Variants in LATS2 observed in about 807,000 individuals in gnomAD.
LATS2 encodes the protein serine/threonine-protein kinase LATS2.
LATS2 carries 24 observed loss-of-function variants against 76.0 expected under a neutral mutation model. The observed-to-expected ratio is 0.32, with a 90% CI of 0.23 to 0.44. The LOEUF (loss-of-function observed/expected upper bound fraction) is 0.44, where lower values mean the gene tolerates loss of function less well. Ranked by LOEUF, LATS2 falls within the 20% of genes least tolerant of loss-of-function variation. LATS2 has a pLI of 1.00. For missense variants in LATS2, 1,286 were observed against 1,481.2 expected, an observed-to-expected ratio of 0.87 and a Z score of 2.16; for synonymous variants, 692 against 635.4, an observed-to-expected ratio of 1.09 and a Z score of -1.34.
intron 1 of LATS2, among the ~76,000 whole-genome samples, chr13:21,058,426 C>T (rs184106965): frequency 6.6e-5 from 10 of 151,840 alleles, no homozygotes; most frequent in Admixed American, 3.9e-4. Flanking sequence ...CCCCACCCTA[C>T]CCCACCCCTT....
In LATS2 at chr13:20,991,200, C is replaced by G. The variant is rs1007844631; in HGVS notation, c.475+72G>C. ...TGGCCAGGCCAGGCCAGGTTGGACCCCTCTGCACGTGGTTTTGTTGTCCTT... is the reference window on the plus strand; with the variant it reads ...TGGCCAGGCCAGGCCAGGTTGGACCGCTCTGCACGTGGTTTTGTTGTCCTT... On this transcript the variant is annotated intron_variant, in intron 3 of 7. Transcript: ENST00000382592. This position sits in a 1 kb window ranked among gnomAD's most constrained non-coding sequence, Gnocchi z 4.9. 2.5e-5 allele frequency: 40 copies of G among 1,586,066 alleles called. No homozygotes were observed. Among genetic ancestry groups the G allele is most frequent in the Non-Finnish European group, 3.4e-5 (40 of 1,160,900 alleles).
chr13:21,017,145 G>C (rs1413568820), intron 2 of LATS2, among the ~76,000 whole-genome samples: 1 of 152,272 alleles, frequency 6.6e-6, no homozygotes, highest in South Asian at 2.1e-4. Context: ...AAAGCGCCTG[G>C]CACTTGAATG....
intron 2 of LATS2, among the ~76,000 whole-genome samples, chr13:21,044,021 A>T (rs1872977716): frequency 6.6e-6 from 1 of 152,262 alleles, no homozygotes; most frequent in Non-Finnish European, 1.5e-5. Flanking sequence ...GCTTGGCAGC[A>T]TATTTAACTT....
In LATS2 at chr13:21,035,668, T is replaced by C. The variant is rs373069985; in HGVS notation, c.342+10017A>G. Among the ~76,000 whole-genome samples, 34 of 152,286 alleles carry C rather than the reference T, an allele frequency of 2.2e-4. 1 individual carries two copies. In the South Asian group the frequency reaches 7.0e-3, roughly 32 times the overall value. Reference sequence around the variant, plus strand: ...GGCATTAAGTGAACAATATTTATGATCTCCAATATTTTTCACATTATAGCC... The same window carrying C: ...GGCATTAAGTGAACAATATTTATGACCTCCAATATTTTTCACATTATAGCC... On this transcript the variant is annotated intron_variant, in intron 2 of 7. Transcript: ENST00000382592.
chr13:21,003,541 AG>A (rs965827782), intron 2 of LATS2, among the ~76,000 whole-genome samples: 26 of 151,888 alleles, frequency 1.7e-4, no homozygotes, highest in African/African-American at 6.3e-4. Context: ...CCTGGGCTCA[AG>A]CAGTCCTCCC....
At chr13:21,060,321 C>A (rs1873588937) in intron 1 of LATS2, among the ~76,000 whole-genome samples, 1 of 152,366 alleles carries the variant, frequency 6.6e-6, no homozygotes, top group Non-Finnish European at 1.5e-5. Flanking sequence ...TCTCCAGAGT[C>A]CGGCTGGGGA....
intron 1 of LATS2, among the ~76,000 whole-genome samples, chr13:21,058,316 G>T (rs1259833712): frequency 1.3e-5 from 2 of 152,112 alleles, no homozygotes; most frequent in East Asian, 3.9e-4. Flanking sequence ...TTCGAAAATG[G>T]TGTTGGTATG....
At chr13:21,002,261 T>C (rs1330508856) in intron 2 of LATS2, among the ~76,000 whole-genome samples, 2 of 152,186 alleles carry the variant, frequency 1.3e-5, no homozygotes, top group African/African-American at 4.8e-5. Context: ...TGGTCTAAGA[T>C]GGTTGGTTAC....
intron 1 of LATS2, among the ~76,000 whole-genome samples, chr13:21,048,274 G>A (rs1053377566): frequency 2.6e-5 from 4 of 152,182 alleles, no homozygotes; most frequent in South Asian, 2.1e-4. Context: ...GAAGTGACTC[G>A]GTATGTCTGG....
At chr13:20,983,157 A>C in intron 5 of LATS2, 67 bp downstream of exon 5, 2 of 1,070,962 alleles carry the variant, frequency 1.9e-6, no homozygotes, top group African/African-American at 3.2e-5. Context: ...TGGGAAATTT[A>C]GTTGCTTGCA....
At chr13:21,050,578 G>A (rs1003144683) in intron 1 of LATS2, among the ~76,000 whole-genome samples, 2 of 152,198 alleles carry the variant, frequency 1.3e-5, no homozygotes, top group Admixed American at 6.5e-5. Flanking sequence ...ATATCCCCTT[G>A]TATGAATACA....
intron 3 of LATS2, among the ~76,000 whole-genome samples, chr13:20,989,738 A>C (rs1233217894): frequency 6.6e-6 from 1 of 152,236 alleles, no homozygotes; most frequent in Admixed American, 6.5e-5. Context: ...GCTCCCTCAC[A>C]GAAAGGGCAG....
At chr13:21,011,015 T>C (rs1223329903) in intron 2 of LATS2, among the ~76,000 whole-genome samples, 1 of 152,272 alleles carries the variant, frequency 6.6e-6, no homozygotes, top group South Asian at 2.1e-4. Context: ...AAACTGCTCA[T>C]TGGAGTAAAG....
At position 20,975,268 on chromosome 13, in the gene LATS2, G is replaced by C; in HGVS notation, c.2869C>G (p.His957Asp). 1 of 1,614,166 alleles carries C rather than the reference G, an allele frequency of 6.2e-7. No individual in the cohort carries two copies. The highest frequency in any genetic ancestry group is 8.5e-7 in the Non-Finnish European group (1 of 1,180,006). ...LITKLCCSAD[H>D]RLGRNGADDL... ...TCGGCCCCATTCCGCCCCAGGCGGT[G>C]GTCTGCGGAGCAGCACAGCTTGGTG... The change falls in exon 8 of 8, where the codon CAC becomes GAC. Residue 957 changes from histidine to aspartate, a missense_variant. His to Asp is a moderately conservative substitution (Grantham distance 81). Transcript: ENST00000382592.
intron 6 of LATS2, among the ~76,000 whole-genome samples, chr13:20,980,577 G>C (rs1160943326): frequency 6.6e-6 from 1 of 152,188 alleles, no homozygotes; most frequent in Non-Finnish European, 1.5e-5. Context: ...TCCTGTCCAA[G>C]TTTGGCAACA....
At position 20,988,637 on chromosome 13, in the gene LATS2, C is replaced by G; in HGVS notation, c.1143G>C (p.Leu381=). ...PAATLARRDS[L]QKPGLEAPPR... Reference sequence around the variant, plus strand: ...GCGGCGCCTCCAGGCCCGGCTTCTGCAGGGAGTCCCGGCGGGCCAGGGTGG... The same window carrying G: ...GCGGCGCCTCCAGGCCCGGCTTCTGGAGGGAGTCCCGGCGGGCCAGGGTGG... The change falls in exon 4 of 8, where the codon CTG becomes CTC. Residue 381 remains leucine (L), a synonymous_variant. Coordinates refer to ENST00000382592, the MANE Select transcript of LATS2 (RefSeq NM_014572.3). The G allele has an allele frequency of 6.3e-7, 1 of 1,585,750 alleles. No homozygotes were observed. Among genetic ancestry groups the G allele is most frequent in the South Asian group, 1.1e-5 (1 of 89,478 alleles).
At chr13:21,055,159 A>G (rs962039206) in intron 1 of LATS2, among the ~76,000 whole-genome samples, 3 of 152,228 alleles carry the variant, frequency 2.0e-5, no homozygotes, top group Non-Finnish European at 4.4e-5. Flanking sequence ...CTTTTGAAAG[A>G]ATTTTCATGA....
intron 2 of LATS2, among the ~76,000 whole-genome samples, chr13:21,022,304 A>G (rs982938569): frequency 1.3e-5 from 2 of 152,148 alleles, no homozygotes; most frequent in African/African-American, 4.8e-5. Flanking sequence ...GTGAGTGTGC[A>G]TGTGTGTGAA....
At chr13:21,020,471 T>C (rs1400241620) in intron 2 of LATS2, among the ~76,000 whole-genome samples, 1 of 152,200 alleles carries the variant, frequency 6.6e-6, no homozygotes, top group Non-Finnish European at 1.5e-5. Flanking sequence ...AAGTAAACTT[T>C]TGTAACCAAA....
Sources: allele counts gnomAD v4.1 joint callset (sites outside exome capture counted in the v4.1 genomes callset), GRCh38; gene constraint gnomAD v4.1.1; non-coding constraint Gnocchi (gnomAD v3.1); transcripts MANE v1.5; gene names NCBI Gene and HGNC (gene_info 2026-07-23, HGNC 2026-07-21).